HECW1: variants seen among roughly 807,000 people sequenced by gnomAD.
The protein encoded by HECW1 is HECT, C2 and WW domain containing E3 ubiquitin protein ligase 1.
A neutral mutation model predicts 182.3 loss-of-function variants in HECW1; 61 were observed. That is an observed-to-expected ratio of 0.33 (90% confidence interval 0.27 to 0.41). The LOEUF is 0.41. HECW1 is among the 10% of genes least tolerant of loss of function. HECW1 has a pLI of 1.00. For synonymous variants in HECW1, 859 were observed against 832.6 expected, an observed-to-expected ratio of 1.03 and a Z score of -0.55; for missense variants, 1,739 against 2,108.9, an observed-to-expected ratio of 0.82 and a Z score of 3.44.
Position 43,565,631 on chromosome 7 carries a change from G to T in HECW1, c.*3705G>T, listed in dbSNP as rs766004408. ...TTCAGTGTTCATTATTAAAACTACC[G>T]CAATACTATATCATAAAAATCTGGG... On this transcript the variant is annotated 3_prime_UTR_variant, in exon 30 of 30. Coordinates refer to ENST00000395891, the MANE Select transcript of HECW1 (RefSeq NM_015052.5). 1 of 174,934 alleles carries T rather than the reference G, an allele frequency of 5.7e-6. No homozygotes were observed. Among genetic ancestry groups the T allele is most frequent in the South Asian group, 2.0e-4 (1 of 4,980 alleles). 10.8% of individuals were successfully genotyped at this position (174,934 alleles called of 1,614,324 possible). A position where few individuals can be genotyped will look rare whatever the true frequency, so the allele number is the denominator to read the frequency against.
chr7:43,454,160 G>A (rs181179966), intron 12 of HECW1, among the ~76,000 whole-genome samples: 273 of 152,216 alleles, frequency 1.8e-3, no homozygotes, highest in Non-Finnish European at 2.9e-3. Context: ...CTTTGTCTGC[G>A]AAGGACCCCT....
intron 2 of HECW1, among the ~76,000 whole-genome samples, chr7:43,141,999 G>A (rs952908350): frequency 3.0e-4 from 45 of 152,086 alleles, no homozygotes; most frequent in African/African-American, 8.5e-4. Flanking sequence ...TATTCCTCCC[G>A]AAAACCTGCA....
At chr7:43,238,786 T>C (rs1004271423) in intron 2 of HECW1, among the ~76,000 whole-genome samples, 1 of 151,888 alleles carries the variant, frequency 6.6e-6, no homozygotes, top group African/African-American at 2.4e-5. Context: ...TGTCAAAGCC[T>C]TTTTTTTCCC....
At chr7:43,327,286 C>A (rs189541830) in intron 5 of HECW1, among the ~76,000 whole-genome samples, 1 of 152,018 alleles carries the variant, frequency 6.6e-6, no homozygotes, top group Non-Finnish European at 1.5e-5. Context: ...AGATAATAGG[C>A]GTATTTATAT....
intron 17 of HECW1, among the ~76,000 whole-genome samples, chr7:43,480,238 T>C (rs192477045): frequency 3.7e-4 from 57 of 152,324 alleles, no homozygotes; most frequent in South Asian, 8.3e-4. Context: ...CGCTCTACAA[T>C]GTGCTCTTTC....
Position 43,303,110 on chromosome 7 carries a change from C to G in HECW1, c.28-8653C>G, listed in dbSNP as rs532185685. Among the ~76,000 whole-genome samples, 6 of 152,276 alleles carry G rather than the reference C, an allele frequency of 3.9e-5. No homozygotes were observed. The South Asian group carries it at 8.3e-4, about 21-fold the overall frequency. On this transcript the variant is annotated intron_variant, in intron 3 of 29. Transcript: ENST00000395891. ...CTCTCCCACACCCACAGCCCCCTGC[C>G]CATTCCTCTGCCCATACAAACCACC...
rs543910815 is a variant in HECW1 at position 43,518,289 on chromosome 7, G to GT, written c.4019+9171dup. On this transcript the variant is annotated intron_variant, in intron 24 of 29. Coordinates refer to ENST00000395891, the MANE Select transcript of HECW1 (RefSeq NM_015052.5). Reference sequence around the variant, plus strand: ...GCGGGTGGATCACTTGAGGTCAGGAGTTTGAGACCATCCTGGCCAACATGG... The same window carrying GT: ...GCGGGTGGATCACTTGAGGTCAGGAGTTTTGAGACCATCCTGGCCAACATGG... Among the ~76,000 whole-genome samples the GT allele has an allele frequency of 1.6e-3, 251 of 152,212 alleles. 2 individuals are homozygous for GT. Among genetic ancestry groups the GT allele is most frequent in the African/African-American group, 5.4e-3 (226 of 41,530 alleles).
At chr7:43,128,981 A>G (rs1268908777) in intron 2 of HECW1, among the ~76,000 whole-genome samples, 1 of 152,230 alleles carries the variant, frequency 6.6e-6, no homozygotes, top group Admixed American at 6.5e-5. Context: ...TAAAATTTTA[A>G]CAGATGAGGA....
At chr7:43,213,112 T>C (rs1796141924) in intron 2 of HECW1, among the ~76,000 whole-genome samples, 2 of 152,164 alleles carry the variant, frequency 1.3e-5, no homozygotes, top group South Asian at 4.1e-4. Context: ...ATAGCAGGTG[T>C]AATTCTCCAT....
chr7:43,145,810 T>C lies in HECW1; in HGVS notation c.-32+31419T>C, dbSNP rs1420455041. Among the ~76,000 whole-genome samples, 3 of 152,150 alleles carry C rather than the reference T, an allele frequency of 2.0e-5. No homozygotes were observed. In the East Asian group the frequency reaches 5.8e-4, roughly 29 times the overall value. On this transcript the variant is annotated intron_variant, in intron 2 of 29. Transcript: ENST00000395891. ...TCTGTAGGCTACCCAACCCTCTGTATCTTCTGTGTGTCACCTCCAGGGTAA... is the reference window on the plus strand; with the variant it reads ...TCTGTAGGCTACCCAACCCTCTGTACCTTCTGTGTGTCACCTCCAGGGTAA...
intron 2 of HECW1, among the ~76,000 whole-genome samples, chr7:43,197,284 T>C (rs1794549351): frequency 6.6e-6 from 1 of 152,088 alleles, no homozygotes; most frequent in African/African-American, 2.4e-5. Flanking sequence ...AACTCACTCA[T>C]TAAGTGGAAG....
chr7:43,287,630 G>T (rs1261400191), intron 3 of HECW1, among the ~76,000 whole-genome samples: 1 of 144,964 alleles, frequency 6.9e-6, no homozygotes, highest in East Asian at 2.0e-4. Flanking sequence ...AAGCCACCAT[G>T]TGCATCCCTG....
intron 8 of HECW1, among the ~76,000 whole-genome samples, chr7:43,418,940 A>G (rs1404739563): frequency 1.3e-5 from 2 of 152,170 alleles, no homozygotes; most frequent in Admixed American, 6.5e-5. Context: ...ACAGCAGACA[A>G]TTGATTTGGC....
intron 3 of HECW1, among the ~76,000 whole-genome samples, chr7:43,299,710 T>A (rs767087368): frequency 6.6e-6 from 1 of 152,158 alleles, no homozygotes; most frequent in African/African-American, 2.4e-5. Flanking sequence ...TAGCTAAGTG[T>A]CCCCTTCCTT....
In HECW1 at chr7:43,493,095, A is replaced by C; in HGVS notation, c.3352A>C (p.Lys1118Gln). The change falls in exon 19 of 30, where the codon AAG (lysine) becomes CAG (glutamine). Residue 1118 changes from lysine (K) to glutamine (Q), a missense_variant. This residue lies in a region of HECW1 where 971 missense variants were observed against 1,029.1 expected (regional missense o/e 0.94). Coordinates refer to ENST00000395891, the MANE Select transcript of HECW1 (RefSeq NM_015052.5). Reference sequence around the variant, plus strand: ...TTTGTCTGTTTCAGCATATAATGACAAGATTGTGGCATTTCTTCGCCAGCC... The same window carrying C: ...TTTGTCTGTTTCAGCATATAATGACCAGATTGTGGCATTTCTTCGCCAGCC... ...HESLPLAYNDKIVAFLRQPNI... is the reference protein window; with the variant it reads ...HESLPLAYNDQIVAFLRQPNI... 1.2e-6 allele frequency: 2 copies of C among 1,612,790 alleles called. No homozygotes were observed. The highest frequency in any genetic ancestry group is 1.7e-6 in the Non-Finnish European group (2 of 1,179,016).
chr7:43,236,086 A>T (rs978992949), intron 2 of HECW1, among the ~76,000 whole-genome samples: 1 of 152,164 alleles, frequency 6.6e-6, no homozygotes, highest in African/African-American at 2.4e-5. Context: ...TGTGATATAT[A>T]TAATAAATAT....
intron 6 of HECW1, among the ~76,000 whole-genome samples, chr7:43,372,671 AT>A (rs1183150096): frequency 1.3e-5 from 2 of 151,904 alleles, no homozygotes; most frequent in Non-Finnish European, 2.9e-5. Context: ...TTTTAAATAA[AT>A]TTTTTTACAA....
At chr7:43,293,371 A>G (rs1479185829) in intron 3 of HECW1, among the ~76,000 whole-genome samples, 2 of 152,174 alleles carry the variant, frequency 1.3e-5, no homozygotes, top group Admixed American at 1.3e-4. Flanking sequence ...TGGCCACTTC[A>G]TGCTCACCTC....
chr7:43,168,113 T>C (rs1791305897), intron 2 of HECW1, among the ~76,000 whole-genome samples: 1 of 152,250 alleles, frequency 6.6e-6, no homozygotes. Context: ...TAGATTTGTG[T>C]ACGTGTCGTG....
Sources: gnomAD v4.1 joint callset for allele counts (sites outside exome capture counted in the v4.1 genomes callset) on GRCh38, gnomAD v4.1.1 for gene constraint, gnomAD v4.1.1 regional missense constraint, MANE v1.5 for transcripts, NCBI Gene and HGNC (gene_info 2026-07-23, HGNC 2026-07-21) for gene names.